The following KIAA1217 variants were observed in gnomAD, a reference collection of about 807,000 sequenced individuals.
KIAA1217 encodes sickle tail protein homolog.
KIAA1217 carries 88 observed loss-of-function variants against 163.9 expected under a neutral mutation model. The observed-to-expected ratio is 0.54, with a 90% confidence interval of 0.45 to 0.64. The LOEUF (loss-of-function observed/expected upper bound fraction) is 0.64. Ranked by LOEUF, KIAA1217 falls within the 30% of genes least tolerant of loss-of-function variation. KIAA1217 has a pLI of 0.00. For synonymous variants in KIAA1217, 903 were observed against 923.1 expected, an observed-to-expected ratio of 0.98 and a Z score of 0.39; for missense variants, 2,372 against 2,475.0, an observed-to-expected ratio of 0.96 and a Z score of 0.88.
intron 1 of KIAA1217, among the ~76,000 whole-genome samples, chr10:23,830,706 G>GATAGC (rs1838146971): frequency 1.6e-5 from 2 of 126,876 alleles, no homozygotes; most frequent in Non-Finnish European, 3.5e-5. Flanking sequence ...AGGTAGGTAG[G>GATAGC]TAGATAGATA....
chr10:24,395,190 T>A (rs1591576894), intron 3 of KIAA1217, among the ~76,000 whole-genome samples: 3 of 152,156 alleles, frequency 2.0e-5, no homozygotes, highest in African/African-American at 4.8e-5. Flanking sequence ...ATAGAGGCCC[T>A]TGCAGGGAGG....
chr10:24,006,789 T>A (rs2131478012), intron 1 of KIAA1217, among the ~76,000 whole-genome samples: 1 of 152,288 alleles, frequency 6.6e-6, no homozygotes, highest in South Asian at 2.1e-4. Context: ...TGTAGCAGGC[T>A]CTTGGAGCGG....
At chr10:24,030,200 A>G (rs1012123479) in intron 2 of KIAA1217, among the ~76,000 whole-genome samples, 3 of 152,180 alleles carry the variant, frequency 2.0e-5, no homozygotes, top group Non-Finnish European at 4.4e-5. Context: ...GTTCTATGGC[A>G]TTATGTGTAT....
intron 5 of KIAA1217, chr10:24,449,753 G>C: frequency 1.0e-6 from 1 of 985,134 alleles, no homozygotes; most frequent in East Asian, 1.1e-4. Flanking sequence ...AAAGGCTCAC[G>C]GAAAATGTAA....
chr10:23,705,879 C>T (rs139648003), intron 1 of KIAA1217, among the ~76,000 whole-genome samples: 17 of 152,220 alleles, frequency 1.1e-4, no homozygotes, highest in African/African-American at 4.1e-4. Flanking sequence ...AATATCAATT[C>T]ATTTGATACA....
At chr10:23,954,127 C>A (rs2131360462) in intron 1 of KIAA1217, among the ~76,000 whole-genome samples, 1 of 152,266 alleles carries the variant, frequency 6.6e-6, no homozygotes, top group African/African-American at 2.4e-5. Flanking sequence ...CATGGTGGGC[C>A]ATTTCCAGGG....
chr10:24,252,393 C>T (rs1215826867), intron 2 of KIAA1217, among the ~76,000 whole-genome samples: 3 of 151,552 alleles, frequency 2.0e-5, no homozygotes, highest in Non-Finnish European at 4.4e-5. Flanking sequence ...ACCTGGGCAA[C>T]ATTGTGAGAG....
intron 2 of KIAA1217, among the ~76,000 whole-genome samples, chr10:24,334,480 G>GAAGGAAGGAAGGAAGGAAGGAAGGAAGA (rs548225852): frequency 2.4e-5 from 2 of 81,870 alleles, no homozygotes; most frequent in Admixed American, 1.7e-4. Flanking sequence ...AGGAAGGAAG[G>GAAGGAAGGAAGGAAGGAAGGAAGGAAGA]AAGGAACTTA....
intron 2 of KIAA1217, among the ~76,000 whole-genome samples, chr10:24,308,472 T>G (rs1282488904): frequency 6.6e-6 from 1 of 152,190 alleles, no homozygotes; most frequent in African/African-American, 2.4e-5. Context: ...GTTTCTAAAT[T>G]GCAGGCAATC....
At chr10:24,525,157 A>G (rs1209085300) in intron 13 of KIAA1217, among the ~76,000 whole-genome samples, 3 of 152,210 alleles carry the variant, frequency 2.0e-5, no homozygotes, top group Non-Finnish European at 4.4e-5. Context: ...TATCGCAACC[A>G]TGGCTGATTT....
chr10:24,077,688 T>C lies in KIAA1217; in HGVS notation c.-171+70314T>C, dbSNP rs546958806. 1.3e-5 allele frequency among the ~76,000 whole-genome samples: 2 copies of C among 152,230 alleles called. 1 individual carries two copies. The highest frequency in any genetic ancestry group is 4.1e-4 in the South Asian group (2 of 4,830). On this transcript the variant is annotated intron_variant, in intron 2 of 18. Transcript: ENST00000376462. Reference sequence around the variant, plus strand: ...ATACAATGATTCATATTCCTCTGGATGTATAACTGGTAACAGGATTGCTGG... The same window carrying C: ...ATACAATGATTCATATTCCTCTGGACGTATAACTGGTAACAGGATTGCTGG...
chr10:24,390,415 TAC>T (rs2054698735), intron 3 of KIAA1217, among the ~76,000 whole-genome samples: 1 of 124,948 alleles, frequency 8.0e-6, no homozygotes, highest in African/African-American at 2.8e-5. Flanking sequence ...ATAAAACCGA[TAC>T]ACACAATAAA....
chr10:24,543,171 C>G lies in KIAA1217; in HGVS notation c.3901C>G (p.Leu1301Val). Reference protein sequence around the residue: ...YSIPDTENQTLNYGKTKEMEK... With the variant: ...YSIPDTENQTVNYGKTKEMEK... Reference sequence around the variant, plus strand: ...TATACCTGACACCGAGAACCAGACGCTGAATTACGGAAAGACAAAGGAGAT... The same window carrying G: ...TATACCTGACACCGAGAACCAGACGGTGAATTACGGAAAGACAAAGGAGAT... Residue 1301 changes from leucine (L) to valine (V), a missense_variant, in exon 19 of 21, where the codon CTG becomes GTG. Transcript: ENST00000376454. The G allele has an allele frequency of 2.5e-6, 4 of 1,613,718 alleles. No homozygotes were observed. The highest frequency in any genetic ancestry group is 3.4e-6 in the Non-Finnish European group (4 of 1,180,002).
chr10:23,739,757 G>A (rs987447615), intron 1 of KIAA1217, among the ~76,000 whole-genome samples: 6 of 152,266 alleles, frequency 3.9e-5, no homozygotes, highest in South Asian at 2.1e-4. Flanking sequence ...GACCCGGGAC[G>A]AGGCTCCTGA....
intron 2 of KIAA1217, among the ~76,000 whole-genome samples, chr10:24,287,772 C>T (rs1169780507): frequency 2.6e-5 from 4 of 152,126 alleles, no homozygotes; most frequent in Non-Finnish European, 4.4e-5. Context: ...AATTCATTAC[C>T]GCTTTCTGGG....
intron 2 of KIAA1217, among the ~76,000 whole-genome samples, chr10:24,315,293 A>G (rs2043209757): frequency 6.6e-6 from 1 of 152,164 alleles, no homozygotes; most frequent in Admixed American, 6.5e-5. Context: ...GAATTTTTTC[A>G]AAGGTAAAAA....
Position 23,934,579 on chromosome 10 carries a change from A to ATG in KIAA1217, c.-320-72645_-320-72644insGT, listed in dbSNP as rs1437127714. Among the ~76,000 whole-genome samples the ATG allele has an allele frequency of 2.0e-4, 12 of 59,776 alleles. 1 individual carries two copies. Among genetic ancestry groups the ATG allele is most frequent in the African/African-American group, 1.8e-3 (12 of 6,814 alleles). The allele number at this position is 59,776 out of a possible 152,430, so 39.2% of individuals were successfully genotyped here. On this transcript the variant is annotated intron_variant, in intron 1 of 18. Coordinates refer to the KIAA1217 transcript ENST00000376462. ...AAAGTATATATATATATATATATAT[A>ATG]TATATATATATGTATATATATATAT...
chr10:24,276,752 A>G (rs961831826), intron 2 of KIAA1217, among the ~76,000 whole-genome samples: 4 of 151,924 alleles, frequency 2.6e-5, no homozygotes, highest in African/African-American at 9.7e-5. Flanking sequence ...TGGGACTACA[A>G]GCATGTGCTA....
Position 23,908,234 on chromosome 10 carries a change from G to A in KIAA1217, c.-320-98991G>A, listed in dbSNP as rs113558471. ...GTGGTCAGGACTGGGTCATGTAGGG[G>A]TATCTGATGCTAAGGAATTTGGATG... On this transcript the variant is annotated intron_variant, in intron 1 of 18. Coordinates refer to the KIAA1217 transcript ENST00000376462. Among the ~76,000 whole-genome samples the A allele has an allele frequency of 3.5e-3, 527 of 152,202 alleles. 3 individuals carry two copies. Among genetic ancestry groups the A allele is most frequent in the South Asian group, 0.02 (98 of 4,824 alleles).
Sources: gnomAD v4.1 joint callset for allele counts (sites outside exome capture counted in the v4.1 genomes callset) on GRCh38, gnomAD v4.1.1 for gene constraint, MANE v1.5 for transcripts, NCBI Gene and HGNC (gene_info 2026-07-23, HGNC 2026-07-21) for gene names.